The following TAFA1 variants were observed in gnomAD, a reference collection of about 807,000 sequenced individuals.
The protein encoded by TAFA1 is TAFA chemokine like family member 1.
TAFA1 carries 4 observed loss-of-function variants against 18.5 expected under a neutral mutation model. That is an observed-to-expected ratio of 0.22 (90% confidence interval 0.11 to 0.49). The LOEUF is 0.49. Among genes scored for constraint, TAFA1 ranks in the 20% least tolerant of loss-of-function variants. The pLI is 0.98. For missense variants in TAFA1, 147 were observed against 169.0 expected, an observed-to-expected ratio of 0.87 and a Z score of 0.72; for synonymous variants, 56 against 55.2, an observed-to-expected ratio of 1.01 and a Z score of -0.06.
chr3:68,161,206 T>C (rs1414422661), intron 2 of TAFA1, among the ~76,000 whole-genome samples: 1 of 152,222 alleles, frequency 6.6e-6, no homozygotes, highest in Admixed American at 6.5e-5. Context: ...CGCTATGATA[T>C]GCTGGACCAA....
chr3:68,187,515 G>A (rs2066285591), intron 2 of TAFA1, among the ~76,000 whole-genome samples: 1 of 151,858 alleles, frequency 6.6e-6, no homozygotes, highest in Admixed American at 6.6e-5. Flanking sequence ...TGATTATCTT[G>A]GGTGATATAG....
chr3:68,068,301 G>T (rs982630651), intron 2 of TAFA1, among the ~76,000 whole-genome samples: 33 of 152,194 alleles, frequency 2.2e-4, no homozygotes, highest in Non-Finnish European at 8.8e-5. Flanking sequence ...TTGTCATTTT[G>T]TCTATCAAGG....
At chr3:68,413,707 G>A (rs1402812801) in intron 2 of TAFA1, among the ~76,000 whole-genome samples, 1 of 151,982 alleles carries the variant, frequency 6.6e-6, no homozygotes, top group African/African-American at 2.4e-5. Flanking sequence ...AATGTCATCA[G>A]AAAATTATAT....
At chr3:68,189,785 G>T (rs2066315265) in intron 2 of TAFA1, among the ~76,000 whole-genome samples, 2 of 151,956 alleles carry the variant, frequency 1.3e-5, no homozygotes, top group South Asian at 4.1e-4. Context: ...TATAAAATAA[G>T]ATCATGCAGG....
At chr3:68,392,673 C>A (rs1404668227) in intron 2 of TAFA1, among the ~76,000 whole-genome samples, 1 of 152,188 alleles carries the variant, frequency 6.6e-6, no homozygotes, top group African/African-American at 2.4e-5. Context: ...GACCACAGTG[C>A]AATCGAATTA....
chr3:68,088,469 T>C (rs1393779880), intron 2 of TAFA1, among the ~76,000 whole-genome samples: 1 of 152,224 alleles, frequency 6.6e-6, no homozygotes, highest in Non-Finnish European at 1.5e-5. Context: ...AATTATTAGC[T>C]ACTTGACCTT....
At chr3:68,084,742 G>C (rs1219789862) in intron 2 of TAFA1, among the ~76,000 whole-genome samples, 1 of 151,116 alleles carries the variant, frequency 6.6e-6, no homozygotes, top group Admixed American at 6.6e-5. Flanking sequence ...AGGTTGCAGC[G>C]AGCCGAGATA....
chr3:68,163,996 G>A (rs762127543), intron 2 of TAFA1, among the ~76,000 whole-genome samples: 6 of 152,180 alleles, frequency 3.9e-5, no homozygotes, highest in Non-Finnish European at 7.3e-5. Context: ...CTATATCCCA[G>A]TCTTCCCATT....
At chr3:68,342,421 A>G (rs573385436) in intron 2 of TAFA1, among the ~76,000 whole-genome samples, 3 of 152,340 alleles carry the variant, frequency 2.0e-5, no homozygotes, top group African/African-American at 7.2e-5. Flanking sequence ...TTCCCATATC[A>G]GTGCAGCAAG....
chr3:68,266,002 A>G (rs572145513), intron 2 of TAFA1, among the ~76,000 whole-genome samples: 1 of 152,306 alleles, frequency 6.6e-6, no homozygotes, highest in East Asian at 1.9e-4. Context: ...GCACTGTCAG[A>G]TTAGGCTCTA....
At chr3:68,437,776 A>G (rs889999621) in intron 3 of TAFA1, among the ~76,000 whole-genome samples, 1 of 152,124 alleles carries the variant, frequency 6.6e-6, no homozygotes, top group African/African-American at 2.4e-5. Flanking sequence ...TGGAGGGTAC[A>G]AATTTTCAAA....
chr3:68,064,168 C>G (rs1244001141), intron 2 of TAFA1, among the ~76,000 whole-genome samples: 1 of 152,050 alleles, frequency 6.6e-6, no homozygotes, highest in Non-Finnish European at 1.5e-5. Context: ...GAGGTAAAAA[C>G]GTGATGAGGT....
chr3:68,152,282 T>C (rs990664842), intron 2 of TAFA1, among the ~76,000 whole-genome samples: 4 of 152,184 alleles, frequency 2.6e-5, no homozygotes, highest in African/African-American at 9.7e-5. Context: ...ACCTGCTAAG[T>C]CAGATTCTTT....
chr3:67,992,955 G>C, the TAFA1 span, among the ~76,000 whole-genome samples: 1 of 152,218 alleles, frequency 6.6e-6, no homozygotes, highest in Non-Finnish European at 1.5e-5. Context: ...GGGAATTCCC[G>C]AGTGGTCAGG....
At chr3:68,043,041 T>G (rs1387046284) in intron 2 of TAFA1, among the ~76,000 whole-genome samples, 1 of 152,074 alleles carries the variant, frequency 6.6e-6, no homozygotes, top group Admixed American at 6.6e-5. Flanking sequence ...CCCGCCACCA[T>G]GCTCGGCTAA....
At chr3:68,439,441 A>ATATATATATATATATATATATATATG (rs1368084224) in intron 3 of TAFA1, among the ~76,000 whole-genome samples, 16 of 128,706 alleles carry the variant, frequency 1.2e-4, no homozygotes, top group Non-Finnish European at 2.4e-4. Context: ...ATATATATAT[A>ATATATATATATATATATATATATATG]TATGAGTTTA....
chr3:68,204,523 G>GGGAA (rs2066503852), intron 2 of TAFA1, among the ~76,000 whole-genome samples: 2 of 151,742 alleles, frequency 1.3e-5, no homozygotes, highest in South Asian at 4.1e-4. Flanking sequence ...GAGGGAGGGA[G>GGGAA]GGAAGGGATT....
intron 2 of TAFA1, among the ~76,000 whole-genome samples, chr3:68,153,277 T>G (rs530633750): frequency 6.6e-6 from 1 of 152,254 alleles, no homozygotes; most frequent in African/African-American, 2.4e-5. Context: ...ACCCAATTAG[T>G]GGAGTTAATA....
intron 2 of TAFA1, among the ~76,000 whole-genome samples, chr3:68,387,184 A>G (rs1165179141): frequency 6.6e-6 from 1 of 152,096 alleles, no homozygotes; most frequent in Non-Finnish European, 1.5e-5. Context: ...GTTGGCTGAA[A>G]GCAGGACTAA....
Sources: allele counts gnomAD v4.1 joint callset (sites outside exome capture counted in the v4.1 genomes callset), GRCh38; gene constraint gnomAD v4.1.1; transcripts MANE v1.5; gene names NCBI Gene and HGNC (gene_info 2026-07-23, HGNC 2026-07-21).